The following ZC3H12B variants were observed in gnomAD, a reference collection of about 807,000 sequenced individuals.
ZC3H12B encodes the protein probable ribonuclease ZC3H12B.
In ZC3H12B, 7 loss-of-function variants were observed where a neutral mutation model predicts 43.9. That is an observed-to-expected ratio of 0.16 (90% confidence interval 0.09 to 0.30). The LOEUF is 0.30. Among genes scored for constraint, ZC3H12B ranks in the 10% least tolerant of loss-of-function variants. The pLI is 1.00. For missense variants in ZC3H12B, 475 were observed against 670.2 expected, an observed-to-expected ratio of 0.71 and a Z score of 3.22; for synonymous variants, 222 against 241.7, an observed-to-expected ratio of 0.92 and a Z score of 0.76.
the ZC3H12B span, among the ~76,000 whole-genome samples, chrX:65,043,747 A>AT: frequency 1.6e-4 from 18 of 111,863 alleles, 1 homozygote; most frequent in Admixed American, 1.4e-3. Context: ...GTAATATCTG[A>AT]TTTTTTCAAA....
intron 3 of ZC3H12B, chrX:65,469,699 G>A (rs781672291): frequency 8.0e-5 from 11 of 136,916 alleles, no homozygotes; most frequent in South Asian, 2.6e-4. Context: ...GGCCAGGCGC[G>A]GAGGCTCACT....
chrX:65,171,925 C>T, the ZC3H12B span, among the ~76,000 whole-genome samples: 1 of 111,655 alleles, frequency 9.0e-6, no homozygotes, highest in African/African-American at 3.3e-5. Context: ...TCCCAATTTT[C>T]GAGGTACCAT....
At chrX:65,176,034 G>A in the ZC3H12B span, among the ~76,000 whole-genome samples, 12 of 111,437 alleles carry the variant, frequency 1.1e-4, no homozygotes, top group African/African-American at 3.9e-4. Flanking sequence ...ACACCAGTGA[G>A]ACAGAACCAT....
the ZC3H12B span, among the ~76,000 whole-genome samples, chrX:65,274,910 T>C: frequency 1.8e-5 from 2 of 112,020 alleles, no homozygotes; most frequent in African/African-American, 3.2e-5. Context: ...TCCAGGCCAA[T>C]CAAGCAGCCT....
At chrX:65,445,094 G>T (rs1339967652) in intron 3 of ZC3H12B, among the ~76,000 whole-genome samples, 1 of 111,650 alleles carries the variant, frequency 9.0e-6, no homozygotes, top group Non-Finnish European at 1.9e-5. Context: ...TATCTGATAG[G>T]ATTCTGAATT....
At chrX:65,449,879 A>T (rs1250977835) in intron 3 of ZC3H12B, among the ~76,000 whole-genome samples, 1 of 111,358 alleles carries the variant, frequency 9.0e-6, no homozygotes, top group Non-Finnish European at 1.9e-5. Flanking sequence ...GGACTAACAG[A>T]TAAAAAACTA....
At chrX:65,053,769 G>T in the ZC3H12B span, among the ~76,000 whole-genome samples, 1 of 111,651 alleles carries the variant, frequency 9.0e-6, no homozygotes, top group Non-Finnish European at 1.9e-5. Context: ...TCCAGCACCT[G>T]TTGTTTCCTG....
At chrX:65,373,999 A>ATATATATATACTATATATATAG (rs2066301279) in intron 2 of ZC3H12B, among the ~76,000 whole-genome samples, 2 of 48,858 alleles carry the variant, frequency 4.1e-5, no homozygotes, top group African/African-American at 3.0e-4. Flanking sequence ...TATATATAGT[A>ATATATATATACTATATATATAG]TATATATATA....
chrX:65,492,119 C>T lies in ZC3H12B; in HGVS notation c.608+2710C>T, dbSNP rs772810385. Among the ~76,000 whole-genome samples, 16 of 104,916 alleles carry T rather than the reference C, an allele frequency of 1.5e-4. No individual in the cohort carries two copies. In the East Asian group the frequency reaches 2.5e-3, roughly 17 times the overall value. 91.1% of individuals were successfully genotyped at this position (104,916 alleles called of 115,157 possible). A position where few individuals can be genotyped will look rare whatever the true frequency, so the allele number is the denominator to read the frequency against. Reference sequence around the variant, plus strand: ...ATCGGACCTGATTCCCAAGGCCTACCATTTTTTTTGTTTTGTTTTGTTTTG... The same window carrying T: ...ATCGGACCTGATTCCCAAGGCCTACTATTTTTTTTGTTTTGTTTTGTTTTG... On this transcript the variant is annotated intron_variant, in intron 1 of 4. Transcript: ENST00000338957.
chrX:65,099,284 G>C, the ZC3H12B span, among the ~76,000 whole-genome samples: 1 of 111,888 alleles, frequency 8.9e-6, no homozygotes, highest in Admixed American at 9.4e-5. Flanking sequence ...TGTGGGTGCA[G>C]CTTCAGCGGA....
the ZC3H12B span, among the ~76,000 whole-genome samples, chrX:65,167,390 C>G: frequency 9.0e-6 from 1 of 111,185 alleles, no homozygotes; most frequent in Admixed American, 9.6e-5. Flanking sequence ...CTGTTCTGTT[C>G]TATTGGTCTA....
chrX:65,146,805 A>G, the ZC3H12B span, among the ~76,000 whole-genome samples: 2 of 111,713 alleles, frequency 1.8e-5, no homozygotes, highest in Non-Finnish European at 3.8e-5. Flanking sequence ...GAGTCCTATG[A>G]TGTGAACCAT....
At chrX:65,087,533 G>A in the ZC3H12B span, among the ~76,000 whole-genome samples, 1 of 111,639 alleles carries the variant, frequency 9.0e-6, no homozygotes, top group East Asian at 2.8e-4. Flanking sequence ...AGGGGCGATC[G>A]AGAGTCAAAG....
the ZC3H12B span, among the ~76,000 whole-genome samples, chrX:65,269,730 C>T: frequency 1.1e-3 from 122 of 109,596 alleles, 1 homozygote; most frequent in African/African-American, 4.1e-3. Context: ...GAACTCCTGG[C>T]CTCAAGCAGT....
At chrX:65,238,765 C>T in the ZC3H12B span, among the ~76,000 whole-genome samples, 2 of 111,747 alleles carry the variant, frequency 1.8e-5, no homozygotes, top group South Asian at 7.4e-4. Flanking sequence ...AGCTGCATCT[C>T]AGATTCTGGT....
chrX:65,134,281 T>C, the ZC3H12B span, among the ~76,000 whole-genome samples: 1 of 108,227 alleles, frequency 9.2e-6, no homozygotes, highest in Admixed American at 9.7e-5. Context: ...CAAGAGAACG[T>C]GGGTGAATGA....
intron 3 of ZC3H12B, among the ~76,000 whole-genome samples, chrX:65,403,553 T>TA (rs1171469420): frequency 9.0e-6 from 1 of 110,865 alleles, no homozygotes; most frequent in African/African-American, 3.3e-5. Flanking sequence ...AGACCAAGGA[T>TA]AAAAAAAGGA....
At chrX:65,485,356 C>CCATT (rs1413276642), upstream of ZC3H12B, among the ~76,000 whole-genome samples, 2 of 112,222 alleles carry the variant, frequency 1.8e-5, no homozygotes, top group African/African-American at 6.5e-5. Flanking sequence ...AGGGCTCAAG[C>CCATT]CATTCTCCCA....
chrX:65,456,486 C>T (rs927542644), intron 3 of ZC3H12B, among the ~76,000 whole-genome samples: 1 of 97,798 alleles, frequency 1.0e-5, no homozygotes, highest in Non-Finnish European at 2.0e-5. Flanking sequence ...CCTCTGATGC[C>T]GAGCCAAAGC....
Sources: allele counts gnomAD v4.1 joint callset (sites outside exome capture counted in the v4.1 genomes callset), GRCh38; gene constraint gnomAD v4.1.1; transcripts MANE v1.5; gene names NCBI Gene and HGNC (gene_info 2026-07-23, HGNC 2026-07-21).